PDE4B: variants seen among roughly 807,000 people sequenced by gnomAD.
The protein encoded by PDE4B is 3',5'-cyclic-AMP phosphodiesterase 4B.
Under a neutral mutation model 82.2 loss-of-function variants are expected in PDE4B, and 20 were observed. That is an observed-to-expected ratio of 0.24 (90% CI 0.17 to 0.35). PDE4B has a LOEUF of 0.35. Ranked by LOEUF, PDE4B falls within the 10% of genes least tolerant of loss-of-function variation. The pLI is 1.00. For missense variants in PDE4B, 655 were observed against 907.2 expected, an observed-to-expected ratio of 0.72 and a Z score of 3.57; for synonymous variants, 320 against 318.9, an observed-to-expected ratio of 1.00 and a Z score of -0.04.
chr1:66,107,550 T>C (rs1321446445), intron 3 of PDE4B, among the ~76,000 whole-genome samples: 2 of 151,942 alleles, frequency 1.3e-5, no homozygotes, highest in East Asian at 3.8e-4. Context: ...CCCATGAGAC[T>C]TTCATGGTAA....
intron 3 of PDE4B, among the ~76,000 whole-genome samples, chr1:65,997,144 CT>C (rs1268793490): frequency 4.7e-4 from 69 of 145,346 alleles, no homozygotes; most frequent in African/African-American, 1.7e-3. Flanking sequence ...CTGCACCCCC[CT>C]GACCCACCCC....
intron 3 of PDE4B, among the ~76,000 whole-genome samples, chr1:66,245,709 A>G (rs1049842173): frequency 6.6e-6 from 1 of 152,180 alleles, no homozygotes; most frequent in African/African-American, 2.4e-5. Context: ...TACTGAGAAA[A>G]TTCATCTACA....
chr1:65,911,603 A>G (rs1319732734), intron 1 of PDE4B, among the ~76,000 whole-genome samples: 2 of 151,592 alleles, frequency 1.3e-5, no homozygotes, highest in Admixed American at 6.6e-5. Flanking sequence ...TTGCTTGTCT[A>G]CTTTTGCTGG....
chr1:66,288,764 A>G (rs778262415), intron 7 of PDE4B, among the ~76,000 whole-genome samples: 2 of 152,150 alleles, frequency 1.3e-5, no homozygotes, highest in African/African-American at 2.4e-5. Flanking sequence ...AATGGCAGTG[A>G]TAAGGAGTTC....
chr1:65,881,575 C>T (rs1310674711), intron 1 of PDE4B, among the ~76,000 whole-genome samples: 4 of 152,172 alleles, frequency 2.6e-5, no homozygotes, highest in African/African-American at 7.2e-5. Flanking sequence ...TTTAAAAGCA[C>T]GTGTGCTGGC....
At chr1:66,260,752 T>C (rs1324292774) in intron 6 of PDE4B, among the ~76,000 whole-genome samples, 1 of 152,194 alleles carries the variant, frequency 6.6e-6, no homozygotes, top group Admixed American at 6.5e-5. Flanking sequence ...AATCAGGCCT[T>C]TCCAAACCCT....
intron 3 of PDE4B, among the ~76,000 whole-genome samples, chr1:65,946,780 G>T (rs770918643): frequency 6.6e-5 from 10 of 151,888 alleles, no homozygotes; most frequent in Non-Finnish European, 1.0e-4. Context: ...GTTGCCTGGG[G>T]CTCCTCTCAA....
intron 7 of PDE4B, among the ~76,000 whole-genome samples, chr1:66,280,702 C>T (rs763156639): frequency 1.3e-5 from 2 of 152,258 alleles, no homozygotes; most frequent in East Asian, 3.9e-4. Flanking sequence ...ATTCCTCCAG[C>T]CTCTTTGCAG....
intron 3 of PDE4B, among the ~76,000 whole-genome samples, chr1:66,184,766 T>G (rs778505360): frequency 1.3e-5 from 2 of 152,146 alleles, no homozygotes; most frequent in African/African-American, 2.4e-5. Flanking sequence ...TACTGTATTG[T>G]TATTATAAGA....
chr1:65,921,864 G>A (rs944758770), intron 3 of PDE4B, among the ~76,000 whole-genome samples: 9 of 152,140 alleles, frequency 5.9e-5, no homozygotes, highest in African/African-American at 2.2e-4. Flanking sequence ...TGACTTTGAG[G>A]TCATGGCTGA....
chr1:65,998,427 A>G (rs1651674202), intron 3 of PDE4B, among the ~76,000 whole-genome samples: 3 of 141,050 alleles, frequency 2.1e-5, no homozygotes, highest in African/African-American at 5.3e-5. Flanking sequence ...GTGAGGAGCC[A>G]CGACAGGTTA....
intron 3 of PDE4B, among the ~76,000 whole-genome samples, chr1:66,237,652 T>C (rs191220409): frequency 3.2e-4 from 49 of 152,322 alleles, no homozygotes; most frequent in Admixed American, 2.2e-3. Flanking sequence ...CATCAACTTA[T>C]GTTTTAAATC....
intron 8 of PDE4B, among the ~76,000 whole-genome samples, chr1:66,336,871 T>C (rs919574780): frequency 6.6e-6 from 1 of 152,198 alleles, no homozygotes; most frequent in Non-Finnish European, 1.5e-5. Flanking sequence ...AGGCAACTAA[T>C]TGCCAGTGCT....
At chr1:66,364,384 G>A (rs934399696) in intron 12 of PDE4B, among the ~76,000 whole-genome samples, 4 of 152,264 alleles carry the variant, frequency 2.6e-5, no homozygotes, top group South Asian at 2.1e-4. Flanking sequence ...GAAGGTGGCC[G>A]TGGCTCCCTT....
intron 3 of PDE4B, among the ~76,000 whole-genome samples, chr1:65,953,686 T>C (rs1649113824): frequency 6.6e-6 from 1 of 152,124 alleles, no homozygotes; most frequent in Admixed American, 6.6e-5. Context: ...CAGCAATTAG[T>C]TACTACAGTG....
intron 3 of PDE4B, among the ~76,000 whole-genome samples, chr1:66,102,824 C>T (rs1645254078): frequency 6.6e-6 from 1 of 151,970 alleles, no homozygotes; most frequent in African/African-American, 2.4e-5. Flanking sequence ...TTCTAGAAAG[C>T]AGAAACCTAC....
chr1:65,948,967 T>A (rs564453146), intron 3 of PDE4B, among the ~76,000 whole-genome samples: 1 of 152,206 alleles, frequency 6.6e-6, no homozygotes, highest in East Asian at 1.9e-4. Flanking sequence ...ATACCCTTAT[T>A]GGCTGCCTAT....
intron 3 of PDE4B, among the ~76,000 whole-genome samples, chr1:66,014,080 G>A (rs1652636924): frequency 1.7e-4 from 1 of 6,024 alleles, no homozygotes; most frequent in Non-Finnish European, 3.2e-3. Context: ...GTGATTATTG[G>A]CCATTTAGTA....
At chr1:66,138,539 A>G (rs190767574) in intron 3 of PDE4B, among the ~76,000 whole-genome samples, 17 of 152,276 alleles carry the variant, frequency 1.1e-4, no homozygotes, top group African/African-American at 3.1e-4. Context: ...TACAGATTCA[A>G]AAGAAAAGTA....
Sources: allele counts gnomAD v4.1 joint callset (sites outside exome capture counted in the v4.1 genomes callset), GRCh38; gene constraint gnomAD v4.1.1; transcripts MANE v1.5; gene names NCBI Gene and HGNC (gene_info 2026-07-23, HGNC 2026-07-21).